Variants in PCCA observed in about 807,000 individuals in gnomAD.
The protein encoded by PCCA is propionyl-CoA carboxylase alpha chain, mitochondrial.
In PCCA, 74 loss-of-function variants were observed where a neutral mutation model predicts 101.3. That is an observed-to-expected ratio of 0.73 (90% CI 0.61 to 0.89). PCCA has a LOEUF of 0.89. Ranked by LOEUF, PCCA falls within the 40% of genes least tolerant of loss-of-function variation. The pLI, the probability that PCCA is intolerant of heterozygous loss-of-function variation, is 0.00. For synonymous variants in PCCA, 294 were observed against 313.6 expected (o/e 0.94, Z 0.66); for missense variants, 891 against 907.0 (o/e 0.98, Z 0.23).
chr13:100,223,865 C>T (rs929040464), intron 7 of PCCA, among the ~76,000 whole-genome samples: 7 of 152,088 alleles, frequency 4.6e-5, no homozygotes, highest in Admixed American at 1.3e-4. Context: ...TACAGAGTGT[C>T]GATTGGTGCA....
intron 12 of PCCA, among the ~76,000 whole-genome samples, chr13:100,289,041 A>G (rs2064921368): frequency 6.6e-6 from 1 of 152,108 alleles, no homozygotes; most frequent in Non-Finnish European, 1.5e-5. Flanking sequence ...TTCACATCAT[A>G]CTGAAGTATA....
chr13:100,449,331 T>A, intron 21 of PCCA, 26 bp downstream of exon 21: 1 of 1,396,120 alleles, frequency 7.2e-7, no homozygotes, highest in Non-Finnish European at 9.9e-7. Context: ...TTCTTTATTC[T>A]CTTAATTTAC....
At chr13:100,411,412 G>C (rs1483252309) in intron 19 of PCCA, among the ~76,000 whole-genome samples, 1 of 151,848 alleles carries the variant, frequency 6.6e-6, no homozygotes, top group Non-Finnish European at 1.5e-5. Context: ...ATAGAGACAG[G>C]GTTTTGCTAT....
chr13:100,425,555 G>A (rs1467369696), intron 19 of PCCA, 78 bp from the exon 20 acceptor site: 1 of 973,044 alleles, frequency 1.0e-6, no homozygotes, highest in African/African-American at 1.6e-5. Flanking sequence ...AATGGCTGCT[G>A]CTTTGTATGC....
intron 10 of PCCA, among the ~76,000 whole-genome samples, chr13:100,263,066 A>G (rs2062638042): frequency 6.6e-6 from 1 of 152,116 alleles, no homozygotes; most frequent in African/African-American, 2.4e-5. Context: ...AGACTGGACC[A>G]TTATAGGGCA....
At chr13:100,439,630 G>C (rs2080195575) in intron 20 of PCCA, among the ~76,000 whole-genome samples, 1 of 151,656 alleles carries the variant, frequency 6.6e-6, no homozygotes, top group South Asian at 2.1e-4. Flanking sequence ...TTTGTGTACC[G>C]GGATTTAATG....
chr13:100,185,515 A>G (rs1156737283), intron 6 of PCCA, among the ~76,000 whole-genome samples: 3 of 151,978 alleles, frequency 2.0e-5, no homozygotes, highest in East Asian at 3.9e-4. Context: ...GTGCCTGGCT[A>G]ATTTTATGTT....
chr13:100,382,009 C>G (rs1432254620), intron 19 of PCCA, among the ~76,000 whole-genome samples: 1 of 152,226 alleles, frequency 6.6e-6, no homozygotes, highest in South Asian at 2.1e-4. Flanking sequence ...TAGCTCTGCT[C>G]TCCACAGGCG....
Position 100,463,781 on chromosome 13 carries a change from T to C in PCCA, c.1899+14476T>C, listed in dbSNP as rs1016287203. On this transcript the variant is annotated intron_variant, in intron 21 of 23. Transcript: ENST00000376285. Reference sequence around the variant, plus strand: ...CTCCAGGAAATGCCCACAGCTAAGGTGGAGGCTTGTCCTCTCTAATGGAGT... The same window carrying C: ...CTCCAGGAAATGCCCACAGCTAAGGCGGAGGCTTGTCCTCTCTAATGGAGT... Among the ~76,000 whole-genome samples the C allele has an allele frequency of 2.0e-5, 3 of 152,270 alleles. No homozygotes were observed. The East Asian group carries it at 5.8e-4, about 29-fold the overall frequency.
At chr13:100,338,074 G>A (rs1318468965) in intron 17 of PCCA, among the ~76,000 whole-genome samples, 4 of 152,156 alleles carry the variant, frequency 2.6e-5, no homozygotes, top group Non-Finnish European at 4.4e-5. Context: ...TGGCAGCATC[G>A]GCATCACCCT....
chr13:100,406,147 A>G (rs184527667), intron 19 of PCCA, among the ~76,000 whole-genome samples: 11 of 152,190 alleles, frequency 7.2e-5, no homozygotes, highest in Admixed American at 3.9e-4. Flanking sequence ...CATTTTCCCC[A>G]CTGGGCTCTT....
chr13:100,489,547 C>A (rs557331361), intron 21 of PCCA, among the ~76,000 whole-genome samples: 1 of 152,184 alleles, frequency 6.6e-6, no homozygotes, highest in Non-Finnish European at 1.5e-5. Context: ...TGAATACATG[C>A]AATTGAACAG....
chr13:100,527,260 C>T (rs753579480), intron 22 of PCCA: 7 of 471,804 alleles, frequency 1.5e-5, no homozygotes, highest in Non-Finnish European at 3.1e-5. Flanking sequence ...AACCCTGTAC[C>T]CTTCAGCAGT....
intron 4 of PCCA, among the ~76,000 whole-genome samples, chr13:100,132,154 T>A (rs1252670774): frequency 6.6e-6 from 1 of 152,194 alleles, no homozygotes; most frequent in Non-Finnish European, 1.5e-5. Context: ...GTTTGTTTTT[T>A]AAATTTTTAA....
chr13:100,099,736 G>A (rs1001322987), intron 1 of PCCA, among the ~76,000 whole-genome samples: 11 of 152,026 alleles, frequency 7.2e-5, no homozygotes, highest in East Asian at 3.9e-4. Context: ...CATTTCCCCC[G>A]CTTTTTGTGT....
At position 100,524,995 on chromosome 13, in the gene PCCA, A is replaced by G. The variant is rs201764135; in HGVS notation, c.2041-2680A>G. Reference sequence around the variant, plus strand: ...CTGTCTCTAAGATGGATAGATAGATAGATAGATAGATAGATAGATAGATAG... The same window carrying G: ...CTGTCTCTAAGATGGATAGATAGATGGATAGATAGATAGATAGATAGATAG... On this transcript the variant is annotated intron_variant, in intron 22 of 23. Transcript: ENST00000376285. Among the ~76,000 whole-genome samples the G allele has an allele frequency of 3.1e-3, 352 of 114,806 alleles. 1 individual carries two copies. Among genetic ancestry groups the G allele is most frequent in the South Asian group, 0.013 (47 of 3,716 alleles). 75.3% of individuals were successfully genotyped at this position (114,806 alleles called of 152,430 possible).
At chr13:100,268,819 T>A in intron 11 of PCCA, 36 bp downstream of exon 11, 2 of 1,358,578 alleles carry the variant, frequency 1.5e-6, no homozygotes, top group Non-Finnish European at 2.1e-6. Flanking sequence ...AAGCGGCTGC[T>A]TTTATGCATT....
At chr13:100,269,188 GCACTAATGTTCATGTAGA>G (rs1229241560) in intron 11 of PCCA, among the ~76,000 whole-genome samples, 1 of 152,106 alleles carries the variant, frequency 6.6e-6, no homozygotes, top group East Asian at 1.9e-4. Flanking sequence ...AGCTACAATT[GCACTAATGTTCATGTAGA>G]CTCTGTTACT....
intron 8 of PCCA, among the ~76,000 whole-genome samples, chr13:100,253,702 A>G (rs1371559576): frequency 6.6e-6 from 1 of 152,074 alleles, no homozygotes; most frequent in East Asian, 1.9e-4. Context: ...TGTGCAGAAG[A>G]GAATAAGGAG....
Sources: gnomAD v4.1 joint callset for allele counts (sites outside exome capture counted in the v4.1 genomes callset) on GRCh38, gnomAD v4.1.1 for gene constraint, MANE v1.5 for transcripts, NCBI Gene and HGNC (gene_info 2026-07-23, HGNC 2026-07-21) for gene names.